The following PPFIA2 variants were observed in gnomAD, a reference collection of about 807,000 sequenced individuals.
PPFIA2 encodes the protein liprin-alpha-2.
In PPFIA2, 46 loss-of-function variants were observed where a neutral mutation model predicts 175.5. The observed-to-expected ratio is 0.26, with a 90% CI of 0.21 to 0.34. PPFIA2 has a LOEUF of 0.34. Among genes scored for constraint, PPFIA2 ranks in the 10% least tolerant of loss-of-function variants. The pLI, the probability that PPFIA2 is intolerant of heterozygous loss-of-function variation, is 1.00. For missense variants in PPFIA2, 1,179 were observed against 1,506.1 expected, an observed-to-expected ratio of 0.78 and a Z score of 3.60; for synonymous variants, 568 against 511.4, an observed-to-expected ratio of 1.11 and a Z score of -1.49.
At chr12:81,505,471 C>A (rs1420334935) in intron 4 of PPFIA2, among the ~76,000 whole-genome samples, 2 of 151,998 alleles carry the variant, frequency 1.3e-5, no homozygotes, top group East Asian at 3.9e-4. Flanking sequence ...AGTGTTTTCC[C>A]CAGGATGGTT....
At chr12:81,509,964 A>C (rs532763101) in intron 4 of PPFIA2, among the ~76,000 whole-genome samples, 1 of 152,178 alleles carries the variant, frequency 6.6e-6, no homozygotes, top group Non-Finnish European at 1.5e-5. Flanking sequence ...AGAGGAGAAA[A>C]GAACACACAC....
chr12:81,291,172 T>C (rs2044869133), intron 24 of PPFIA2, among the ~76,000 whole-genome samples: 1 of 151,994 alleles, frequency 6.6e-6, no homozygotes, highest in African/African-American at 2.4e-5. Flanking sequence ...TTTTTTAATG[T>C]TTTTAAATTA....
At chr12:81,552,882 C>T (rs1257772191) in intron 4 of PPFIA2, among the ~76,000 whole-genome samples, 1 of 152,030 alleles carries the variant, frequency 6.6e-6, no homozygotes, top group African/African-American at 2.4e-5. Context: ...CTCAGTCCAT[C>T]GACAACGAAA....
At position 81,423,485 on chromosome 12, in the gene PPFIA2, A is replaced by G. The variant is rs554987860; in HGVS notation, c.645+16487T>C. On this transcript the variant is annotated intron_variant, in intron 7 of 32. Transcript: ENST00000549396. ...CAATATGATACAACACATCAGCAAAATTTTTTAGAAACAGAATTATCTCAA... is the reference window on the plus strand; with the variant it reads ...CAATATGATACAACACATCAGCAAAGTTTTTTAGAAACAGAATTATCTCAA... Among the ~76,000 whole-genome samples the G allele has an allele frequency of 8.5e-5, 13 of 152,278 alleles. No homozygotes were observed. The South Asian group carries it at 1.7e-3, about 19-fold the overall frequency.
At chr12:81,342,946 TATAATA>T (rs141700038) in intron 19 of PPFIA2, among the ~76,000 whole-genome samples, 129,441 of 147,580 alleles carry the variant, frequency 0.88, 57,246 homozygotes, top group Non-Finnish European at 0.93. Context: ...AAACTTAAAG[TATAATA>T]ATAATAATAA....
At chr12:81,276,112 T>C (rs959837822) in intron 28 of PPFIA2, among the ~76,000 whole-genome samples, 1 of 152,104 alleles carries the variant, frequency 6.6e-6, no homozygotes, top group Non-Finnish European at 1.5e-5. Context: ...CAAAAGTGGA[T>C]TGATTATTTT....
intron 4 of PPFIA2, among the ~76,000 whole-genome samples, chr12:81,629,504 C>A (rs1318025398): frequency 1.3e-5 from 2 of 152,124 alleles, no homozygotes; most frequent in African/African-American, 4.8e-5. Flanking sequence ...CTCTCTTCCA[C>A]AGATTCAGGT....
intron 22 of PPFIA2, among the ~76,000 whole-genome samples, chr12:81,324,870 T>C (rs1400154228): frequency 6.6e-6 from 1 of 152,026 alleles, no homozygotes; most frequent in Non-Finnish European, 1.5e-5. Flanking sequence ...TAGTGAGTTG[T>C]TCTGCAACTT....
intron 3 of PPFIA2, among the ~76,000 whole-genome samples, chr12:81,737,067 T>A (rs1352633085): frequency 1.3e-5 from 2 of 151,746 alleles, no homozygotes; most frequent in Admixed American, 6.6e-5. Flanking sequence ...ACTAGAAAAA[T>A]TGGGTAATTT....
intron 3 of PPFIA2, among the ~76,000 whole-genome samples, chr12:81,751,179 T>C (rs1375361979): frequency 6.6e-6 from 1 of 152,082 alleles, no homozygotes; most frequent in East Asian, 1.9e-4. Context: ...TGTGGATTTC[T>C]AGGGGTACTC....
chr12:81,536,745 C>CATATATATATATAT (rs3075445), intron 4 of PPFIA2, among the ~76,000 whole-genome samples: 143 of 136,664 alleles, frequency 1.0e-3, no homozygotes, highest in South Asian at 2.3e-3. Flanking sequence ...TATACATAAA[C>CATATATATATATAT]ATATATATAT....
chr12:81,295,095 C>T lies in PPFIA2; in HGVS notation c.2725-60G>A, dbSNP rs2046132643. The T allele has an allele frequency of 2.1e-6, 3 of 1,448,780 alleles. No homozygotes were observed. The East Asian group carries it at 7.4e-5, about 36-fold the overall frequency. 89.7% of individuals were successfully genotyped at this position (1,448,780 alleles called of 1,614,324 possible). On this transcript the variant is annotated intron_variant, in intron 23 of 32. Transcript: ENST00000549396. ...AATAATAGTTATCATTTTAGTGTCT[C>T]ATATGCTAGGAATTATTTTATGTAT...
At chr12:81,369,361 G>C in intron 11 of PPFIA2, 167 bp from the exon 12 acceptor site, 2 of 1,469,878 alleles carry the variant, frequency 1.4e-6, no homozygotes, top group Non-Finnish European at 1.8e-6. Flanking sequence ...CTTGAAATGT[G>C]TCAGCTACAA....
At chr12:81,589,310 T>G (rs2058399808) in intron 4 of PPFIA2, among the ~76,000 whole-genome samples, 1 of 152,108 alleles carries the variant, frequency 6.6e-6, no homozygotes, top group Non-Finnish European at 1.5e-5. Flanking sequence ...TTGCTATCAC[T>G]GATATACAGA....
chr12:81,663,491 G>A (rs2069390030), intron 4 of PPFIA2, among the ~76,000 whole-genome samples: 1 of 152,056 alleles, frequency 6.6e-6, no homozygotes, highest in African/African-American at 2.4e-5. Context: ...ATGGATGGAA[G>A]GACCTCTTCA....
At chr12:81,469,322 G>C (rs2056316217) in intron 4 of PPFIA2, among the ~76,000 whole-genome samples, 1 of 152,172 alleles carries the variant, frequency 6.6e-6, no homozygotes, top group Admixed American at 6.5e-5. Context: ...GAGAGCCTGT[G>C]AAATTTTTCA....
At chr12:81,558,212 A>G (rs939252587) in intron 4 of PPFIA2, among the ~76,000 whole-genome samples, 5 of 152,150 alleles carry the variant, frequency 3.3e-5, no homozygotes, top group Admixed American at 3.3e-4. Context: ...AAATAATATC[A>G]TTGCATAATG....
intron 4 of PPFIA2, among the ~76,000 whole-genome samples, chr12:81,553,270 G>A (rs986226445): frequency 2.6e-5 from 4 of 151,990 alleles, no homozygotes; most frequent in African/African-American, 9.7e-5. Context: ...AAACCAAGAA[G>A]CATTAGAATG....
At position 81,503,014 on chromosome 12, in the gene PPFIA2, C is replaced by A. The variant is rs200464380; in HGVS notation, c.304-45148G>T. ...ACAGAGGAAGAGAAAGAGAATTCAA[C>A]TTCACTTCAAAACCAGACAAAAACT... On this transcript the variant is annotated intron_variant, in intron 4 of 32. Coordinates refer to ENST00000549396, the MANE Select transcript of PPFIA2 (RefSeq NM_003625.5). Among the ~76,000 whole-genome samples, 4 of 151,972 alleles carry A rather than the reference C, an allele frequency of 2.6e-5. No individual in the cohort carries two copies. The East Asian group carries it at 7.7e-4, about 29-fold the overall frequency.
Sources: gnomAD v4.1 joint callset for allele counts (sites outside exome capture counted in the v4.1 genomes callset) on GRCh38, gnomAD v4.1.1 for gene constraint, MANE v1.5 for transcripts, NCBI Gene and HGNC (gene_info 2026-07-23, HGNC 2026-07-21) for gene names.